NR3C2: variants seen among roughly 807,000 people sequenced by gnomAD.
NR3C2 encodes the protein nuclear receptor subfamily 3 group C member 2, also known as mineralocorticoid receptor.
A neutral mutation model predicts 86.4 loss-of-function variants in NR3C2; 15 were observed. That is an observed-to-expected ratio of 0.17 (90% CI 0.12 to 0.27). The LOEUF is 0.27. Ranked by LOEUF, NR3C2 falls within the 10% of genes least tolerant of loss-of-function variation. The probability of loss-of-function intolerance (pLI) is 1.00; values close to 1 mark genes in which losing one functional copy is unlikely to be tolerated. For synonymous variants in NR3C2, 458 were observed against 450.5 expected, an observed-to-expected ratio of 1.02 and a Z score of -0.21; for missense variants, 960 against 1,195.6, an observed-to-expected ratio of 0.80 and a Z score of 2.91.
chr4:148,429,066 T>G (rs1349207882), intron 2 of NR3C2, among the ~76,000 whole-genome samples: 1 of 152,132 alleles, frequency 6.6e-6, no homozygotes, highest in East Asian at 1.9e-4. Context: ...CTCCAGGATT[T>G]TGCTCACAGA....
Position 148,435,370 on chromosome 4 carries a change from T to C in NR3C2, c.1491A>G (p.Pro497=), listed in dbSNP as rs765312187. 2 of 1,614,082 alleles carry C rather than the reference T, an allele frequency of 1.2e-6. No individual in the cohort carries two copies. The highest frequency in any genetic ancestry group is 3.3e-5 in the Admixed American group (2 of 60,016). ...SGFPVGIKQE[P]DDGSYYPEAS... ...CCTCTGGGTAATAGCTCCCATCATC[T>C]GGTTCTTGTTTAATACCCACTGGGA... Residue 497 remains proline, a synonymous_variant, in exon 2 of 9, where the codon CCA becomes CCG. Transcript: ENST00000358102.
intron 2 of NR3C2, among the ~76,000 whole-genome samples, chr4:148,318,895 T>A (rs1349844350): frequency 6.6e-6 from 1 of 151,210 alleles, no homozygotes; most frequent in Non-Finnish European, 1.5e-5. Flanking sequence ...ATCCCATTTG[T>A]CAATTTTGGC....
chr4:148,166,221 A>C (rs772256667), intron 4 of NR3C2, among the ~76,000 whole-genome samples: 1 of 152,232 alleles, frequency 6.6e-6, no homozygotes, highest in African/African-American at 2.4e-5. Context: ...TTTTTGAATA[A>C]GTGATTATCT....
rs115129000 is a variant in NR3C2 at position 148,192,677 on chromosome 4, C to G, written c.2014+2069G>C. Among the ~76,000 whole-genome samples the G allele has an allele frequency of 4.0e-5, 6 of 151,714 alleles. No individual in the cohort carries two copies. The East Asian group carries it at 1.2e-3, about 30-fold the overall frequency. On this transcript the variant is annotated intron_variant, in intron 4 of 8. Coordinates refer to ENST00000358102, the MANE Select transcript of NR3C2 (RefSeq NM_000901.5). ...CTGTGGCTGCTGTGGGGGGTGGGGTCGAGATTCCCAGTTCACTGGAGTTGT... is the reference window on the plus strand; with the variant it reads ...CTGTGGCTGCTGTGGGGGGTGGGGTGGAGATTCCCAGTTCACTGGAGTTGT...
At chr4:148,307,627 T>C (rs1742696748) in intron 2 of NR3C2, among the ~76,000 whole-genome samples, 1 of 152,178 alleles carries the variant, frequency 6.6e-6, no homozygotes, top group Non-Finnish European at 1.5e-5. Flanking sequence ...TATTTATATT[T>C]GTTTAACAAT....
chr4:148,281,072 C>T (rs1371747456), intron 2 of NR3C2, among the ~76,000 whole-genome samples: 2 of 152,202 alleles, frequency 1.3e-5, no homozygotes, highest in Non-Finnish European at 2.9e-5. Context: ...GTGTCTGTCC[C>T]TCCCTTCATC....
chr4:148,283,863 A>C (rs920611475), intron 2 of NR3C2, among the ~76,000 whole-genome samples: 1 of 152,246 alleles, frequency 6.6e-6, no homozygotes, highest in African/African-American at 2.4e-5. Flanking sequence ...TGGTTGCCAC[A>C]GATTCAAAAG....
At chr4:148,363,803 G>A (rs897510715) in intron 2 of NR3C2, among the ~76,000 whole-genome samples, 1 of 151,984 alleles carries the variant, frequency 6.6e-6, no homozygotes, top group Non-Finnish European at 1.5e-5. Flanking sequence ...GCGCCCAGCC[G>A]ACTTTTCATA....
At chr4:148,261,859 G>A (rs1435797651) in intron 2 of NR3C2, among the ~76,000 whole-genome samples, 7 of 152,156 alleles carry the variant, frequency 4.6e-5, no homozygotes, top group African/African-American at 4.8e-5. Context: ...ATACTCTCAC[G>A]AAAAACAGAG....
chr4:148,245,815 G>T (rs1449454849), intron 3 of NR3C2, among the ~76,000 whole-genome samples: 2 of 152,134 alleles, frequency 1.3e-5, no homozygotes, highest in East Asian at 1.9e-4. Context: ...TATGTAGAAA[G>T]AATTTCATTT....
At chr4:148,434,321 G>GT (rs1478747748) in intron 2 of NR3C2, among the ~76,000 whole-genome samples, 1 of 152,068 alleles carries the variant, frequency 6.6e-6, no homozygotes, top group Non-Finnish European at 1.5e-5. Context: ...CCTCTTCCTT[G>GT]TTTTTTCTAA....
chr4:148,228,229 T>C (rs954544204), intron 3 of NR3C2, among the ~76,000 whole-genome samples: 7 of 152,070 alleles, frequency 4.6e-5, no homozygotes, highest in Non-Finnish European at 1.0e-4. Context: ...TATGCAGATA[T>C]ACGTGTATTA....
intron 4 of NR3C2, among the ~76,000 whole-genome samples, chr4:148,170,888 G>T (rs1266142852): frequency 6.6e-6 from 1 of 152,122 alleles, no homozygotes; most frequent in Non-Finnish European, 1.5e-5. Context: ...ATAATATCAG[G>T]TTTATTATCA....
At chr4:148,207,698 A>T (rs916581470) in intron 3 of NR3C2, among the ~76,000 whole-genome samples, 1 of 152,214 alleles carries the variant, frequency 6.6e-6, no homozygotes, top group Non-Finnish European at 1.5e-5. Flanking sequence ...ATTATCTCAC[A>T]GGGGCTTATA....
At chr4:148,312,339 A>G (rs1161145305) in intron 2 of NR3C2, among the ~76,000 whole-genome samples, 3 of 152,082 alleles carry the variant, frequency 2.0e-5, no homozygotes, top group Non-Finnish European at 2.9e-5. Context: ...TGCTATATAT[A>G]TATCTTTGCA....
At chr4:148,285,062 C>T (rs1741445403) in intron 2 of NR3C2, among the ~76,000 whole-genome samples, 1 of 152,128 alleles carries the variant, frequency 6.6e-6, no homozygotes, top group Non-Finnish European at 1.5e-5. Flanking sequence ...ACATATGGTT[C>T]ACTTTCGGAG....
chr4:148,430,975 C>T (rs1272672217), intron 2 of NR3C2, among the ~76,000 whole-genome samples: 1 of 152,000 alleles, frequency 6.6e-6, no homozygotes, highest in African/African-American at 2.4e-5. Context: ...CAGAATATGC[C>T]CTTTGAAATA....
At chr4:148,147,652 G>C (rs1028885837) in intron 6 of NR3C2, among the ~76,000 whole-genome samples, 1 of 152,210 alleles carries the variant, frequency 6.6e-6, no homozygotes, top group East Asian at 1.9e-4. Flanking sequence ...AACAGCCAAG[G>C]GTTGGTGGGA....
At chr4:148,357,614 A>G (rs1001181139) in intron 2 of NR3C2, among the ~76,000 whole-genome samples, 4 of 152,214 alleles carry the variant, frequency 2.6e-5, no homozygotes, top group Non-Finnish European at 4.4e-5. Context: ...TCCTAGAAGA[A>G]TCTAGGAAAA....
Sources: allele counts gnomAD v4.1 joint callset (sites outside exome capture counted in the v4.1 genomes callset), GRCh38; gene constraint gnomAD v4.1.1; transcripts MANE v1.5; gene names NCBI Gene and HGNC (gene_info 2026-07-23, HGNC 2026-07-21).